Variants in ZBTB1 observed in about 807,000 individuals in gnomAD.
ZBTB1 encodes the protein zinc finger and BTB domain-containing protein 1.
A neutral mutation model predicts 51.6 loss-of-function variants in ZBTB1; 13 were observed. The ratio of observed to expected loss-of-function variants is 0.25; its 90% CI spans 0.16 to 0.40. The LOEUF is 0.40. ZBTB1 is among the 10% of genes least tolerant of loss of function. ZBTB1 has a pLI of 1.00. For synonymous variants in ZBTB1, 240 were observed against 282.2 expected, an observed-to-expected ratio of 0.85 and a Z score of 1.50; for missense variants, 567 against 856.5, an observed-to-expected ratio of 0.66 and a Z score of 4.22.
chr14:64,531,339 T>C (rs1165058230), intron 2 of ZBTB1, among the ~76,000 whole-genome samples: 3 of 152,188 alleles, frequency 2.0e-5, no homozygotes, highest in Non-Finnish European at 4.4e-5. Flanking sequence ...AGGAGGCTTA[T>C]AAGCCTAGGA....
At chr14:64,525,432 G>A (rs552848013), downstream of ZBTB1, among the ~76,000 whole-genome samples, 190 of 152,204 alleles carry the variant, frequency 1.2e-3, 1 homozygote, top group Non-Finnish European at 1.9e-3. Flanking sequence ...AATGTGGTAT[G>A]TATATTACTG....
At chr14:64,509,177 C>T (rs1215070482) in intron 1 of ZBTB1, among the ~76,000 whole-genome samples, 1 of 152,176 alleles carries the variant, frequency 6.6e-6, no homozygotes, top group Non-Finnish European at 1.5e-5. Flanking sequence ...TGAGACCAGC[C>T]TGGCCAACAT....
At chr14:64,511,587 G>C (rs989077913) in intron 1 of ZBTB1, among the ~76,000 whole-genome samples, 3 of 152,166 alleles carry the variant, frequency 2.0e-5, no homozygotes, top group African/African-American at 7.2e-5. Flanking sequence ...AAGATGTTGT[G>C]CTCCCTCTTT....
chr14:64,504,261 CGG>C (rs200908965), upstream of ZBTB1, among the ~76,000 whole-genome samples: 1 of 101,174 alleles, frequency 9.9e-6, no homozygotes, highest in Non-Finnish European at 2.1e-5. Flanking sequence ...AAGGTGGGGT[CGG>C]GGGGGCGCGG....
At chr14:64,526,217 C>G (rs1197073830), downstream of ZBTB1, among the ~76,000 whole-genome samples, 1 of 152,126 alleles carries the variant, frequency 6.6e-6, no homozygotes, top group Non-Finnish European at 1.5e-5. Context: ...GTGGAATGTA[C>G]AATTCTTATC....
At chr14:64,510,603 A>G (rs11625265) in intron 1 of ZBTB1, among the ~76,000 whole-genome samples, 36,202 of 152,084 alleles carry the variant, frequency 0.24, 5,044 homozygotes, top group Non-Finnish European at 0.32. Flanking sequence ...AGTATACTGG[A>G]TGTGTGTGGA....
chr14:64,503,756 C>T (rs1163807445), upstream of ZBTB1: 3 of 297,860 alleles, frequency 1.0e-5, no homozygotes, highest in East Asian at 1.7e-4. Context: ...TCACGCACCC[C>T]TCGGCCGCCT....
At chr14:64,517,289 A>C (rs977439525) in intron 1 of ZBTB1, among the ~76,000 whole-genome samples, 55 of 152,304 alleles carry the variant, frequency 3.6e-4, no homozygotes, top group African/African-American at 1.3e-3. Flanking sequence ...AGGATAAGCA[A>C]GTTCCCAAAA....
At chr14:64,515,560 G>A (rs1313753155) in intron 1 of ZBTB1, among the ~76,000 whole-genome samples, 3 of 143,068 alleles carry the variant, frequency 2.1e-5, no homozygotes, top group Non-Finnish European at 4.5e-5. Flanking sequence ...TTGCTCTGTC[G>A]CCCAGGCTGG....
At chr14:64,507,486 T>C (rs2079678025) in intron 1 of ZBTB1, among the ~76,000 whole-genome samples, 2 of 152,182 alleles carry the variant, frequency 1.3e-5, no homozygotes, top group African/African-American at 4.8e-5. Flanking sequence ...ATAATCACCA[T>C]GTACAGTTAA....
chr14:64,505,055 G>A (rs2079622481), intron 1 of ZBTB1, 109 bp downstream of exon 1: 1 of 373,082 alleles, frequency 2.7e-6, no homozygotes, highest in Admixed American at 4.6e-5. Context: ...CGATCCGTGC[G>A]GGGAGCCGGA....
chr14:64,514,806 A>G (rs1453916135), intron 1 of ZBTB1, among the ~76,000 whole-genome samples: 1 of 152,170 alleles, frequency 6.6e-6, no homozygotes, highest in Non-Finnish European at 1.5e-5. Context: ...ACCATACTGT[A>G]TAGTACCAAG....
At chr14:64,506,842 A>G (rs537887302) in intron 1 of ZBTB1, among the ~76,000 whole-genome samples, 1 of 152,266 alleles carries the variant, frequency 6.6e-6, no homozygotes, top group East Asian at 1.9e-4. Context: ...ACCATATTTA[A>G]CCAGGGCCTT....
chr14:64,522,226 G>T lies in ZBTB1; in HGVS notation c.722G>T (p.Arg241Ile). ...LDEHVLTCTN[R>I]HLYQNTRSYH... The stretch of plus-strand genomic sequence containing the variant: ...GAGCATGTGCTAACCTGTACTAACA[G>T]ACATTTATACCAAAACACAAGATCT... The change falls in exon 2 of 2, where the codon AGA (arginine) becomes ATA (isoleucine). Residue 241 changes from arginine (R) to isoleucine (I), a missense_variant. Transcript: ENST00000683701. 6.2e-7 allele frequency: 1 copy of T among 1,614,188 alleles called. No homozygotes were observed. Among genetic ancestry groups the T allele is most frequent in the Non-Finnish European group, 8.5e-7 (1 of 1,180,034 alleles).
At chr14:64,506,233 TAAAG>T (rs200906645) in intron 1 of ZBTB1, among the ~76,000 whole-genome samples, 2,559 of 152,222 alleles carry the variant, frequency 0.017, 37 homozygotes, top group South Asian at 0.052. Context: ...TTCCTCCTCT[TAAAG>T]AAACAGGAAA....
chr14:64,525,084 T>C (rs780422060), downstream of ZBTB1: 2 of 316,906 alleles, frequency 6.3e-6, no homozygotes, highest in Non-Finnish European at 9.1e-6. Flanking sequence ...GTTCACATCA[T>C]ATTTAAAATA....
rs1174665092 is a variant in ZBTB1 at position 64,522,944 on chromosome 14, G to T, written c.1440G>T (p.Gly480=). ...CGEPQDLTMN[G]LGNTEEKMDL... ...AGCCCCAAGATCTGACCATGAATGG[G>T]TTAGGAAATACTGAGGAGAAAATGG... Residue 480 remains glycine (G), a synonymous_variant, in exon 2 of 2, where the codon GGG becomes GGT. Coordinates refer to ENST00000683701, the MANE Select transcript of ZBTB1 (RefSeq NM_001123329.2). 6.2e-7 allele frequency: 1 copy of T among 1,614,184 alleles called. No individual in the cohort carries two copies. Among genetic ancestry groups the T allele is most frequent in the South Asian group, 1.1e-5 (1 of 91,080 alleles).
At chr14:64,503,869 G>GTGCT (rs1315502174), upstream of ZBTB1, 1 of 152,684 alleles carries the variant, frequency 6.5e-6, no homozygotes, top group Non-Finnish European at 1.5e-5. Context: ...GCGTGCGTGC[G>GTGCT]TGCGTGCGTA....
rs1365918252 is a variant in ZBTB1, at chr14:64,531,781, C to G, written c.1899-80C>G. 2.5e-6 allele frequency: 4 copies of G among 1,568,954 alleles called. No homozygotes were observed. The African/African-American group carries it at 4.1e-5, about 16-fold the overall frequency. On this transcript the variant is annotated intron_variant, in intron 2 of 2. Transcript: ENST00000358738. ...AGTGCCAAAGCCAAGAAATTCTGAT[C>G]TAAGAATTATGTTGTATCTTGTAGA...
Sources: gnomAD v4.1 joint callset for allele counts (sites outside exome capture counted in the v4.1 genomes callset) on GRCh38, gnomAD v4.1.1 for gene constraint, MANE v1.5 for transcripts, NCBI Gene and HGNC (gene_info 2026-07-23, HGNC 2026-07-21) for gene names.